Variants in MICAL2 observed in about 807,000 individuals in gnomAD.
The protein encoded by MICAL2 is [F-actin]-monooxygenase MICAL2.
Under a neutral mutation model 127.3 loss-of-function variants are expected in MICAL2, and 77 were observed. That is an observed-to-expected ratio of 0.60 (90% CI 0.50 to 0.73). The LOEUF is 0.73. Among genes scored for constraint, MICAL2 ranks in the 30% least tolerant of loss-of-function variants. MICAL2 has a pLI of 0.00. For missense variants in MICAL2, 1,351 were observed against 1,434.4 expected (o/e 0.94, Z 0.94); for synonymous variants, 570 against 551.1 (o/e 1.03, Z -0.48).
Position 12,255,668 on chromosome 11 carries a change from G to A in MICAL2, c.2873G>A (p.Gly958Glu). The A allele has an allele frequency of 1.2e-6, 2 of 1,614,064 alleles. No individual in the cohort carries two copies. Among genetic ancestry groups the A allele is most frequent in the Non-Finnish European group, 1.7e-6 (2 of 1,180,008 alleles). Reference protein sequence around the residue: ...PQLTVGKVSSGIGAAAEVLVN... With the variant: ...PQLTVGKVSSEIGAAAEVLVN... Reference sequence around the variant, plus strand: ...CTGACGGTAGGGAAAGTGTCCAGCGGAATAGGGGCTGCAGCTGAAGTCCTG... The same window carrying A: ...CTGACGGTAGGGAAAGTGTCCAGCGAAATAGGGGCTGCAGCTGAAGTCCTG... The change falls in exon 23 of 28, where the codon GGA (glycine) becomes GAA (glutamate). Residue 958 changes from glycine to glutamate, a missense_variant. By Grantham distance (98) the Gly-to-Glu change is moderately conservative. Transcript: ENST00000683283.
intron 25 of MICAL2, 107 bp downstream of exon 25, chr11:12,258,663 T>A: frequency 1.0e-6 from 1 of 973,128 alleles, no homozygotes; most frequent in Non-Finnish European, 1.6e-6. Context: ...GGGATTGAGA[T>A]GACTCACAGA....
At chr11:12,209,798 C>T (rs1855215081) in intron 6 of MICAL2, among the ~76,000 whole-genome samples, 200 bp downstream of exon 6, 1 of 152,146 alleles carries the variant, frequency 6.6e-6, no homozygotes, top group Admixed American at 6.5e-5. Context: ...ACAGCCATCT[C>T]ATTCCGTCTG....
chr11:12,160,671 G>C (rs1183673790), intron 2 of MICAL2, among the ~76,000 whole-genome samples: 1 of 152,138 alleles, frequency 6.6e-6, no homozygotes, highest in East Asian at 1.9e-4. Context: ...TCTCTCTTGT[G>C]GCCCCTCTGG....
chr11:12,294,687 A>C, downstream of MICAL2: 3 of 1,614,196 alleles, frequency 1.9e-6, no homozygotes, highest in Non-Finnish European at 2.5e-6. Flanking sequence ...CAAAGAAAGG[A>C]CATCAGGGAC....
intron 29 of MICAL2, among the ~76,000 whole-genome samples, chr11:12,297,273 A>G (rs2134796823): frequency 6.6e-6 from 1 of 152,234 alleles, no homozygotes; most frequent in Non-Finnish European, 1.5e-5. Flanking sequence ...TTTTTGTTTA[A>G]TAACGTGATT....
At chr11:12,246,699 C>T (rs1162368222) in intron 21 of MICAL2, among the ~76,000 whole-genome samples, 2 of 152,092 alleles carry the variant, frequency 1.3e-5, no homozygotes, top group Non-Finnish European at 2.9e-5. Context: ...CTTTGGGACT[C>T]GAGTGATCCT....
intron 27 of MICAL2, 41 bp downstream of exon 27, chr11:12,262,578 C>G (rs915671992): frequency 1.3e-6 from 2 of 1,541,770 alleles, no homozygotes; most frequent in African/African-American, 2.7e-5. Context: ...GTGGTACTAA[C>G]CCCCAACCCG....
At chr11:12,173,204 G>A (rs776122380) in intron 3 of MICAL2, among the ~76,000 whole-genome samples, 9 of 152,236 alleles carry the variant, frequency 5.9e-5, no homozygotes, top group Admixed American at 2.6e-4. Context: ...TCCTGCTATC[G>A]GTCTTACAGT....
chr11:12,204,109 G>C (rs547783813), intron 3 of MICAL2, 141 bp from the exon 4 acceptor site: 1 of 736,154 alleles, frequency 1.4e-6, no homozygotes, highest in South Asian at 1.7e-5. Flanking sequence ...ATGAATGACA[G>C]GCCCTAACAG....
At chr11:12,318,961 A>G (rs887317925) in intron 29 of MICAL2, among the ~76,000 whole-genome samples, 5 of 152,186 alleles carry the variant, frequency 3.3e-5, no homozygotes, top group African/African-American at 1.2e-4. Flanking sequence ...TTGTTGAGCC[A>G]TCCCTATCTT....
chr11:12,119,611 T>C (rs72862673), intron 1 of MICAL2, among the ~76,000 whole-genome samples: 262 of 152,320 alleles, frequency 1.7e-3, no homozygotes, highest in Non-Finnish European at 3.3e-3. Flanking sequence ...CTGCCCCTTC[T>C]TTCCACCTGC....
chr11:12,209,557 A>C lies in MICAL2; in HGVS notation c.650A>C (p.Asp217Ala). ...CATTCTCTGTCGGAGTTTGAGTTTGACGTCATCATTGGTGCCGATGGCCGC... is the reference window on the plus strand; with the variant it reads ...CATTCTCTGTCGGAGTTTGAGTTTGCCGTCATCATTGGTGCCGATGGCCGC... Reference protein sequence around the residue: ...TDHSLSEFEFDVIIGADGRRN... With the variant: ...TDHSLSEFEFAVIIGADGRRN... The change falls in exon 6 of 28, where the codon GAC becomes GCC. Residue 217 changes from aspartate to alanine, a missense_variant. This residue lies in a region of MICAL2 where 599 missense variants were observed against 714.9 expected (regional missense o/e 0.84). Transcript: ENST00000683283. 6.2e-7 allele frequency: 1 copy of C among 1,614,050 alleles called. No homozygotes were observed. Among genetic ancestry groups the C allele is most frequent in the Non-Finnish European group, 8.5e-7 (1 of 1,180,010 alleles).
In MICAL2 at chr11:12,132,445, G is replaced by A. The variant is rs1008105508; in HGVS notation, c.-148-5945G>A. On this transcript the variant is annotated intron_variant, in intron 1 of 27. Coordinates refer to ENST00000683283, the MANE Select transcript of MICAL2 (RefSeq NM_001282663.2). ...CAAATCATGCCCTCAGGGAAAATGA[G>A]CCGGTTCCTTTTTATTTTTTAAATA... 4.6e-5 allele frequency among the ~76,000 whole-genome samples: 7 copies of A among 152,310 alleles called. No individual in the cohort carries two copies. In the South Asian group the frequency reaches 1.5e-3, roughly 32 times the overall value.
intron 29 of MICAL2, among the ~76,000 whole-genome samples, chr11:12,313,931 T>C (rs145270403): frequency 1.8e-4 from 27 of 151,766 alleles, no homozygotes; most frequent in African/African-American, 6.3e-4. Context: ...CTGATTTTTG[T>C]TGTATTTCTG....
chr11:12,146,188 T>C (rs1051711462), intron 2 of MICAL2, among the ~76,000 whole-genome samples: 4 of 152,032 alleles, frequency 2.6e-5, no homozygotes, highest in Non-Finnish European at 4.4e-5. Context: ...CCAAAAGCAA[T>C]GGCAACAAAA....
intron 10 of MICAL2, 40 bp downstream of exon 10, chr11:12,221,799 C>A: frequency 6.4e-7 from 1 of 1,550,728 alleles, no homozygotes; most frequent in Non-Finnish European, 8.9e-7. Flanking sequence ...GGGGGCAGGG[C>A]ACTCAGGCAG....
chr11:12,336,106 G>A (rs61468740), intron 32 of MICAL2, among the ~76,000 whole-genome samples: 2,495 of 152,232 alleles, frequency 0.016, 55 homozygotes, highest in African/African-American at 0.056. Context: ...TCTTCCATTT[G>A]TTTGTATCCT....
intron 15 of MICAL2, among the ~76,000 whole-genome samples, chr11:12,228,138 G>A (rs555471793): frequency 1.3e-5 from 2 of 152,284 alleles, no homozygotes; most frequent in Admixed American, 1.3e-4. Flanking sequence ...AGACCAGCCT[G>A]GCCAATATGA....
At chr11:12,315,128 G>T (rs1030984844) in intron 29 of MICAL2, among the ~76,000 whole-genome samples, 2 of 152,186 alleles carry the variant, frequency 1.3e-5, no homozygotes, top group Non-Finnish European at 2.9e-5. Context: ...ACTGCAAGTT[G>T]ACAGTAGGCA....
Sources: gnomAD v4.1 joint callset for allele counts (sites outside exome capture counted in the v4.1 genomes callset) on GRCh38, gnomAD v4.1.1 for gene constraint, gnomAD v4.1.1 regional missense constraint, MANE v1.5 for transcripts, NCBI Gene and HGNC (gene_info 2026-07-23, HGNC 2026-07-21) for gene names.